Variants in MTUS2 observed in about 807,000 individuals in gnomAD.
The protein encoded by MTUS2 is microtubule associated scaffold protein 2, also known as microtubule-associated tumor suppressor candidate 2.
Under a neutral mutation model 114.1 loss-of-function variants are expected in MTUS2, and 40 were observed. The ratio of observed to expected loss-of-function variants is 0.35; its 90% confidence interval spans 0.27 to 0.46. The LOEUF (loss-of-function observed/expected upper bound fraction) is 0.46, where lower values mean the gene tolerates loss of function less well. Ranked by LOEUF, MTUS2 falls within the 20% of genes least tolerant of loss-of-function variation. The probability of loss-of-function intolerance (pLI) is 1.00; values close to 1 mark genes in which losing one functional copy is unlikely to be tolerated. For synonymous variants in MTUS2, 688 were observed against 672.0 expected (o/e 1.02, Z -0.37); for missense variants, 1,679 against 1,705.4 (o/e 0.98, Z 0.27).
At chr13:29,331,404 C>T (rs1900772173) in intron 7 of MTUS2, among the ~76,000 whole-genome samples, 3 of 152,274 alleles carry the variant, frequency 2.0e-5, no homozygotes, top group Admixed American at 6.5e-5. Context: ...TCCCTCTCTT[C>T]CTGTTCGAAT....
intron 5 of MTUS2, among the ~76,000 whole-genome samples, chr13:29,228,673 ACT>A (rs1472277222): frequency 3.3e-5 from 5 of 152,116 alleles, no homozygotes; most frequent in African/African-American, 1.2e-4. Context: ...GAACTAAGTA[ACT>A]CACCAGGTTG....
At chr13:29,248,059 A>G (rs1307972845) in intron 5 of MTUS2, among the ~76,000 whole-genome samples, 1 of 152,266 alleles carries the variant, frequency 6.6e-6, no homozygotes, top group Admixed American at 6.5e-5. Context: ...ATGGAATACT[A>G]TTCAGCCATA....
intron 9 of MTUS2, among the ~76,000 whole-genome samples, chr13:29,458,445 G>A (rs74042097): frequency 6.7e-4 from 102 of 152,318 alleles, no homozygotes; most frequent in African/African-American, 2.4e-3. Flanking sequence ...TGAACCCAGA[G>A]AATTTATAAT....
At position 29,443,627 on chromosome 13, in the gene MTUS2, G is replaced by C. The variant is rs572204868; in HGVS notation, c.3184+3578G>C. ...AAGCACCCAGTCTGCAGCTGAGATT[G>C]CATTGGTGAGAGAAGAAAGACGGAG... On this transcript the variant is annotated intron_variant, in intron 9 of 15. Transcript: ENST00000612955. Among the ~76,000 whole-genome samples, 172 of 152,364 alleles carry C rather than the reference G, an allele frequency of 1.1e-3. 1 individual carries two copies. Among genetic ancestry groups the C allele is most frequent in the African/African-American group, 4.0e-3 (165 of 41,588 alleles).
intron 2 of MTUS2, among the ~76,000 whole-genome samples, chr13:28,881,526 A>G (rs577520247): frequency 1.3e-5 from 2 of 152,184 alleles, no homozygotes; most frequent in East Asian, 1.9e-4. Context: ...TGGCAGTTCT[A>G]TTTTTAGCTC....
chr13:29,116,832 A>G lies in MTUS2; in HGVS notation c.2644+15862A>G, dbSNP rs566889822. Among the ~76,000 whole-genome samples the G allele has an allele frequency of 3.3e-5, 5 of 152,270 alleles. No individual in the cohort carries two copies. In the South Asian group the frequency reaches 1.0e-3, roughly 32 times the overall value. On this transcript the variant is annotated intron_variant, in intron 5 of 15. Coordinates refer to ENST00000612955, the MANE Select transcript of MTUS2 (RefSeq NM_001033602.4). Reference sequence around the variant, plus strand: ...GGATGGGACTGAACAATGAAGCATGAGATTTCATCTTGCTACTCAGAATGT... The same window carrying G: ...GGATGGGACTGAACAATGAAGCATGGGATTTCATCTTGCTACTCAGAATGT...
chr13:29,158,765 G>T (rs993719022), intron 5 of MTUS2, among the ~76,000 whole-genome samples: 2 of 152,048 alleles, frequency 1.3e-5, no homozygotes, highest in East Asian at 1.9e-4. Flanking sequence ...TTTCCCTCTG[G>T]CTTTTAGCGA....
intron 4 of MTUS2, among the ~76,000 whole-genome samples, chr13:29,080,798 T>C (rs969682291): frequency 5.5e-4 from 84 of 152,270 alleles, no homozygotes; most frequent in African/African-American, 1.9e-3. Flanking sequence ...CAATCTCAGC[T>C]CACTGCAACC....
In MTUS2 at chr13:29,453,249, A is replaced by G. The variant is rs542258573; in HGVS notation, c.3184+13200A>G. 1.7e-3 allele frequency among the ~76,000 whole-genome samples: 257 copies of G among 152,362 alleles called. 1 individual carries two copies. The highest frequency in any genetic ancestry group is 6.0e-3 in the African/African-American group (248 of 41,588). On this transcript the variant is annotated intron_variant, in intron 9 of 15. Transcript: ENST00000612955. ...GAGCATTTGCAAAATATATGTTGTA[A>G]ATTACAGACAATCACATGCAAATTA... is the stretch of plus-strand genomic sequence containing the variant.
At chr13:28,911,426 A>G in intron 2 of MTUS2, among the ~76,000 whole-genome samples, 1 of 150,960 alleles carries the variant, frequency 6.6e-6, no homozygotes, top group South Asian at 2.1e-4. Context: ...CACCCGCCTC[A>G]GCCTCCCGAA....
intron 6 of MTUS2, among the ~76,000 whole-genome samples, chr13:29,288,013 G>A (rs185623142): frequency 2.0e-5 from 3 of 152,316 alleles, no homozygotes; most frequent in Non-Finnish European, 2.9e-5. Flanking sequence ...ACAACTGAAT[G>A]GCTAATACTG....
intron 5 of MTUS2, among the ~76,000 whole-genome samples, chr13:29,225,269 C>A (rs1005363145): frequency 6.6e-6 from 1 of 152,148 alleles, no homozygotes; most frequent in Non-Finnish European, 1.5e-5. Context: ...ACCATGGTTT[C>A]TTCTATTTAT....
chr13:29,375,561 A>G lies in MTUS2; in HGVS notation c.3117+16088A>G, dbSNP rs1218018949. Among the ~76,000 whole-genome samples, 2 of 5,072 alleles carry G rather than the reference A, an allele frequency of 3.9e-4. 1 individual carries two copies. Among genetic ancestry groups the G allele is most frequent in the African/African-American group, 8.8e-4 (2 of 2,282 alleles). The allele number at this position is 5,072 out of a possible 152,430, so 3.3% of individuals were successfully genotyped here. ...TACGTGTATATATATATATATACGT[A>G]TATATATATATACATATATATATAT... On this transcript the variant is annotated intron_variant, in intron 8 of 15. Coordinates refer to ENST00000612955, the MANE Select transcript of MTUS2 (RefSeq NM_001033602.4).
intron 5 of MTUS2, among the ~76,000 whole-genome samples, chr13:29,272,091 A>G (rs1034790948): frequency 6.6e-6 from 1 of 152,214 alleles, no homozygotes; most frequent in Non-Finnish European, 1.5e-5. Context: ...GGCAATGGCA[A>G]GATCTCAGGT....
At chr13:29,200,521 G>GTTTTTT (rs56965083) in intron 5 of MTUS2, among the ~76,000 whole-genome samples, 3,990 of 85,238 alleles carry the variant, frequency 0.047, 533 homozygotes, top group African/African-American at 0.1. Flanking sequence ...TTCTTTTTCT[G>GTTTTTT]TTTTTTTTTT....
intron 4 of MTUS2, among the ~76,000 whole-genome samples, chr13:29,074,356 T>G (rs2138702168): frequency 6.6e-6 from 1 of 152,348 alleles, no homozygotes; most frequent in African/African-American, 2.4e-5. Context: ...TCCCCTCTCC[T>G]GTGTGCTCCC....
At chr13:29,046,703 T>C (rs966320933) in intron 4 of MTUS2, among the ~76,000 whole-genome samples, 5 of 152,240 alleles carry the variant, frequency 3.3e-5, no homozygotes, top group African/African-American at 9.6e-5. Context: ...TCTTTTATTC[T>C]TTGATTCATA....
intron 8 of MTUS2, among the ~76,000 whole-genome samples, chr13:29,412,674 G>C (rs1459088796): frequency 6.6e-6 from 1 of 152,112 alleles, no homozygotes; most frequent in Non-Finnish European, 1.5e-5. Flanking sequence ...GGGATTGCTT[G>C]AGCATAGGAG....
At chr13:29,324,915 T>C (rs188568286) in intron 7 of MTUS2, among the ~76,000 whole-genome samples, 6 of 152,366 alleles carry the variant, frequency 3.9e-5, no homozygotes, top group Admixed American at 2.0e-4. Context: ...CAAGATGTTA[T>C]GCTATGTTTC....
Sources: allele counts gnomAD v4.1 joint callset (sites outside exome capture counted in the v4.1 genomes callset), GRCh38; gene constraint gnomAD v4.1.1; transcripts MANE v1.5; gene names NCBI Gene and HGNC (gene_info 2026-07-23, HGNC 2026-07-21).